The following EXOC6B variants were observed in gnomAD, a reference collection of about 807,000 sequenced individuals.
EXOC6B encodes the protein exocyst complex component 6B, also known as SEC15 homolog B.
EXOC6B carries 54 observed loss-of-function variants against 113.5 expected under a neutral mutation model. That is an observed-to-expected ratio of 0.48 (90% CI 0.38 to 0.60). The LOEUF (loss-of-function observed/expected upper bound fraction) is 0.60. Ranked by LOEUF, EXOC6B falls within the 20% of genes least tolerant of loss-of-function variation. The pLI is 0.00. For missense variants in EXOC6B, 797 were observed against 977.5 expected (o/e 0.82, Z 2.46); for synonymous variants, 357 against 339.0 (o/e 1.05, Z -0.58).
intron 6 of EXOC6B, among the ~76,000 whole-genome samples, chr2:72,694,490 C>T (rs1677724216): frequency 6.6e-6 from 1 of 152,092 alleles, no homozygotes. Flanking sequence ...GATCTTATCT[C>T]AGTGACTCAC....
intron 20 of EXOC6B, among the ~76,000 whole-genome samples, chr2:72,216,427 A>G (rs1680533501): frequency 6.6e-6 from 1 of 152,240 alleles, no homozygotes; most frequent in African/African-American, 2.4e-5. Flanking sequence ...GATGTGGAGA[A>G]ATAGGAATGC....
At chr2:72,573,817 A>T (rs1704654753) in intron 7 of EXOC6B, among the ~76,000 whole-genome samples, 1 of 152,208 alleles carries the variant, frequency 6.6e-6, no homozygotes, top group African/African-American at 2.4e-5. Flanking sequence ...CGTATATAAA[A>T]GAATGTAGTA....
chr2:72,611,911 C>T (rs528484886), intron 6 of EXOC6B, among the ~76,000 whole-genome samples: 4 of 152,054 alleles, frequency 2.6e-5, no homozygotes, highest in African/African-American at 9.6e-5. Context: ...TCTTATAAAA[C>T]GTACATACAC....
At chr2:72,607,558 T>C (rs185377631) in intron 6 of EXOC6B, among the ~76,000 whole-genome samples, 54 of 152,298 alleles carry the variant, frequency 3.5e-4, no homozygotes, top group African/African-American at 1.3e-3. Flanking sequence ...GTATAATACT[T>C]AGTCCAAGTC....
At chr2:72,525,473 A>G (rs1224870448) in intron 8 of EXOC6B, among the ~76,000 whole-genome samples, 4 of 152,184 alleles carry the variant, frequency 2.6e-5, no homozygotes, top group African/African-American at 9.7e-5. Context: ...TAAAATTACA[A>G]CTTACCTACC....
At chr2:72,717,358 C>A (rs1398614464) in intron 6 of EXOC6B, among the ~76,000 whole-genome samples, 3 of 152,046 alleles carry the variant, frequency 2.0e-5, no homozygotes, top group East Asian at 1.9e-4. Context: ...GTTTACAGAA[C>A]CAAAAAGTAC....
At chr2:72,716,068 T>C (rs1028585329) in intron 6 of EXOC6B, among the ~76,000 whole-genome samples, 2 of 152,210 alleles carry the variant, frequency 1.3e-5, no homozygotes, top group African/African-American at 4.8e-5. Context: ...TTCCAGCCTC[T>C]CTTACAGCTA....
At chr2:72,379,071 G>T (rs2105060251) in intron 19 of EXOC6B, among the ~76,000 whole-genome samples, 1 of 152,248 alleles carries the variant, frequency 6.6e-6, no homozygotes, top group Non-Finnish European at 1.5e-5. Flanking sequence ...AATAGGTGAA[G>T]GCTGTTCCAT....
intron 19 of EXOC6B, among the ~76,000 whole-genome samples, chr2:72,338,763 A>T (rs375507762): frequency 9.2e-5 from 14 of 152,222 alleles, no homozygotes; most frequent in African/African-American, 2.6e-4. Context: ...AGAAAACATG[A>T]TAGTAAGCAC....
chr2:72,257,266 C>T (rs1683408164), intron 20 of EXOC6B, among the ~76,000 whole-genome samples: 2 of 151,954 alleles, frequency 1.3e-5, no homozygotes, highest in Admixed American at 6.6e-5. Flanking sequence ...AAAAAAAAAC[C>T]ATATCTTTGT....
rs1023742173 is a variant in EXOC6B at position 72,784,502 on chromosome 2, T to C, written c.113+41296A>G. On this transcript the variant is annotated intron_variant, in intron 1 of 21. Coordinates refer to ENST00000272427, the MANE Select transcript of EXOC6B (RefSeq NM_015189.3). ...AGACTTGGAAGGAAAAGAGGTTTAA[T>C]TGGACTTACAGTTCCACATGGCTGG... 5.9e-5 allele frequency among the ~76,000 whole-genome samples: 9 copies of C among 152,168 alleles called. 1 individual carries two copies. Among genetic ancestry groups the C allele is most frequent in the Admixed American group, 3.9e-4 (6 of 15,272 alleles).
At position 72,574,322 on chromosome 2, in the gene EXOC6B, CAAGG is replaced by C. The variant is rs1031434977; in HGVS notation, c.846+1166_846+1169del. On this transcript the variant is annotated intron_variant, in intron 7 of 21. Coordinates refer to ENST00000272427, the MANE Select transcript of EXOC6B (RefSeq NM_015189.3). ...AATAGAGATACATAACAGAAGTCAGCAAGGAAGAGTAATGAAGATAGAACAGAAA... is the reference window on the plus strand; with the variant it reads ...AATAGAGATACATAACAGAAGTCAGCAAGAGTAATGAAGATAGAACAGAAA... Among the ~76,000 whole-genome samples, 19 of 152,134 alleles carry C rather than the reference CAAGG, an allele frequency of 1.2e-4. No homozygotes were observed. The South Asian group carries it at 3.9e-3, about 32-fold the overall frequency.
At chr2:72,641,506 C>T (rs1284377474) in intron 6 of EXOC6B, among the ~76,000 whole-genome samples, 1 of 152,246 alleles carries the variant, frequency 6.6e-6, no homozygotes, top group African/African-American at 2.4e-5. Context: ...AACCTGGCAA[C>T]GGGAGGGGTA....
intron 20 of EXOC6B, among the ~76,000 whole-genome samples, chr2:72,251,972 T>A (rs1559060985): frequency 6.6e-6 from 1 of 152,142 alleles, no homozygotes; most frequent in Non-Finnish European, 1.5e-5. Context: ...GAATGAACAA[T>A]CCTTGTCCCA....
At chr2:72,400,847 T>G (rs949939219) in intron 18 of EXOC6B, among the ~76,000 whole-genome samples, 1 of 152,018 alleles carries the variant, frequency 6.6e-6, no homozygotes, top group Non-Finnish European at 1.5e-5. Context: ...TAGGTTGGAA[T>G]GTAAATTAAT....
At chr2:72,653,448 C>T (rs1674348256) in intron 6 of EXOC6B, among the ~76,000 whole-genome samples, 1 of 145,938 alleles carries the variant, frequency 6.9e-6, no homozygotes, top group African/African-American at 2.5e-5. Flanking sequence ...GGAGATATAC[C>T]TAATGCTAAA....
At chr2:72,621,416 A>C (rs1671736653) in intron 6 of EXOC6B, among the ~76,000 whole-genome samples, 1 of 152,142 alleles carries the variant, frequency 6.6e-6, no homozygotes, top group African/African-American at 2.4e-5. Context: ...AGAAAACCAA[A>C]TACTGCATGT....
chr2:72,618,807 C>T (rs79049568), intron 6 of EXOC6B, among the ~76,000 whole-genome samples: 1 of 152,328 alleles, frequency 6.6e-6, no homozygotes, highest in East Asian at 1.9e-4. Context: ...CTCTTCCATT[C>T]AACCAGGGTA....
chr2:72,734,681 C>T (rs1680841655), intron 2 of EXOC6B, among the ~76,000 whole-genome samples: 2 of 152,082 alleles, frequency 1.3e-5, no homozygotes, highest in Admixed American at 6.6e-5. Flanking sequence ...TTTGCTAACC[C>T]CTGGTCTAGA....
Sources: gnomAD v4.1 joint callset for allele counts (sites outside exome capture counted in the v4.1 genomes callset) on GRCh38, gnomAD v4.1.1 for gene constraint, MANE v1.5 for transcripts, NCBI Gene and HGNC (gene_info 2026-07-23, HGNC 2026-07-21) for gene names.